The following ATP6V0A2 variants were observed in gnomAD, a reference collection of about 807,000 sequenced individuals.
ATP6V0A2 encodes the protein V-type proton ATPase 116 kDa subunit a 2.
Under a neutral mutation model 104.4 loss-of-function variants are expected in ATP6V0A2, and 58 were observed. The ratio of observed to expected loss-of-function variants is 0.56; its 90% CI spans 0.45 to 0.69. ATP6V0A2 has a LOEUF of 0.69. ATP6V0A2 is among the 30% of genes least tolerant of loss of function. The pLI, the probability that ATP6V0A2 is intolerant of heterozygous loss-of-function variation, is 0.00. For missense variants in ATP6V0A2, 938 were observed against 1,062.9 expected, an observed-to-expected ratio of 0.88 and a Z score of 1.63; for synonymous variants, 376 against 397.9, an observed-to-expected ratio of 0.95 and a Z score of 0.65.
At chr12:123,730,209 C>T (rs766847650) in intron 6 of ATP6V0A2, among the ~76,000 whole-genome samples, 215 of 151,916 alleles carry the variant, frequency 1.4e-3, no homozygotes, top group Middle Eastern at 6.8e-3. Context: ...AGGCCGCCAC[C>T]GCTCCCGGCT....
At chr12:123,751,306 AC>A in intron 16 of ATP6V0A2, 77 bp downstream of exon 16, 1 of 1,603,232 alleles carries the variant, frequency 6.2e-7, no homozygotes, top group Non-Finnish European at 8.5e-7. Flanking sequence ...TGTAGAAAAC[AC>A]CTCCTGGAGG....
At chr12:123,731,284 AG>A (rs922586621) in intron 6 of ATP6V0A2, 2 of 152,170 alleles carry the variant, frequency 1.3e-5, no homozygotes, top group African/African-American at 4.8e-5. Flanking sequence ...ACTTTTACTC[AG>A]GTTCTAGGAT....
intron 6 of ATP6V0A2, among the ~76,000 whole-genome samples, chr12:123,730,210 G>A (rs1010451587): frequency 3.3e-5 from 5 of 151,628 alleles, no homozygotes; most frequent in African/African-American, 9.7e-5. Context: ...GGCCGCCACC[G>A]CTCCCGGCTA....
At chr12:123,728,108 C>T (rs1175186336) in intron 6 of ATP6V0A2, among the ~76,000 whole-genome samples, 199 bp downstream of exon 6, 2 of 152,208 alleles carry the variant, frequency 1.3e-5, no homozygotes, top group Non-Finnish European at 2.9e-5. Flanking sequence ...GACCATCAGT[C>T]AGGAAATGAA....
intron 6 of ATP6V0A2, among the ~76,000 whole-genome samples, chr12:123,730,237 A>C (rs968952631): frequency 1.3e-5 from 2 of 151,674 alleles, no homozygotes; most frequent in East Asian, 3.9e-4. Flanking sequence ...TGTATTTTTT[A>C]GTAGAGACGG....
intron 1 of ATP6V0A2, among the ~76,000 whole-genome samples, chr12:123,717,114 A>T (rs1257093805): frequency 7.9e-5 from 12 of 151,900 alleles, no homozygotes; most frequent in African/African-American, 2.2e-4. Context: ...CAGGAGTTTG[A>T]GACCAGCCTG....
intron 6 of ATP6V0A2, chr12:123,732,051 T>A (rs1215098712): frequency 6.6e-6 from 1 of 152,086 alleles, no homozygotes; most frequent in Non-Finnish European, 1.5e-5. Context: ...ACTCCATATC[T>A]CCTTTTAAGT....
At position 123,746,929 on chromosome 12, in the gene ATP6V0A2, C is replaced by CA. The variant is rs573183684; in HGVS notation, c.1606-665dup. Among the ~76,000 whole-genome samples, 528 of 139,522 alleles carry CA rather than the reference C, an allele frequency of 3.8e-3. 3 individuals are homozygous for CA. The highest frequency in any genetic ancestry group is 0.033 in the Middle Eastern group (9 of 272). 91.5% of individuals were successfully genotyped at this position (139,522 alleles called of 152,430 possible). On this transcript the variant is annotated intron_variant, in intron 13 of 19. Transcript: ENST00000330342. ...GCCTGGTTGACAGAGCGAGACTCCT[C>CA]AAAAAAAAAAAAATTATCTTAATAG... is the stretch of plus-strand genomic sequence containing the variant.
Position 123,733,911 on chromosome 12 carries a change from A to G in ATP6V0A2, c.649-15A>G, listed in dbSNP as rs776455971. Reference sequence around the variant, plus strand: ...ACACGCAGAAATAACACTTATCCTTATTCATTCTTTGTAGGGGGAAGTCAT... The same window carrying G: ...ACACGCAGAAATAACACTTATCCTTGTTCATTCTTTGTAGGGGGAAGTCAT... On this transcript the variant is annotated splice_polypyrimidine_tract_variant and intron_variant, in intron 6 of 19. Coordinates refer to ENST00000330342, the MANE Select transcript of ATP6V0A2 (RefSeq NM_012463.4). 1.3e-6 allele frequency: 2 copies of G among 1,589,502 alleles called. No individual in the cohort carries two copies. The highest frequency in any genetic ancestry group is 1.7e-6 in the Non-Finnish European group (2 of 1,157,714).
chr12:123,758,102 C>A lies in ATP6V0A2; in HGVS notation c.*70C>A. The A allele has an allele frequency of 1.8e-6, 2 of 1,139,114 alleles. No homozygotes were observed. The highest frequency in any genetic ancestry group is 2.6e-6 in the Non-Finnish European group (2 of 756,864). 70.6% of individuals were successfully genotyped at this position (1,139,114 alleles called of 1,614,324 possible). A position where few individuals can be genotyped will look rare whatever the true frequency, so the allele number is the denominator to read the frequency against. On this transcript the variant is annotated 3_prime_UTR_variant, in exon 20 of 20. Coordinates refer to ENST00000330342, the MANE Select transcript of ATP6V0A2 (RefSeq NM_012463.4). ...CCATGTTATAGACTTTCACTTATGTCAGATTTATGATAGGAAAAATTCCAT... is the reference window on the plus strand; with the variant it reads ...CCATGTTATAGACTTTCACTTATGTAAGATTTATGATAGGAAAAATTCCAT...
chr12:123,756,012 C>G (rs544498965), intron 18 of ATP6V0A2, among the ~76,000 whole-genome samples: 28 of 145,648 alleles, frequency 1.9e-4, no homozygotes, highest in Non-Finnish European at 1.3e-4. Flanking sequence ...ACCCGGGAGA[C>G]AGAGCTTGCA....
At chr12:123,740,586 C>T (rs1407590202) in intron 9 of ATP6V0A2, among the ~76,000 whole-genome samples, 2 of 152,158 alleles carry the variant, frequency 1.3e-5, no homozygotes, top group African/African-American at 4.8e-5. Context: ...TTGTTAATTT[C>T]ATAAACGTTC....
At position 123,754,221 on chromosome 12, in the gene ATP6V0A2, G is replaced by C. The variant is rs1038062736; in HGVS notation, c.2176-199G>C. The C allele has an allele frequency of 9.7e-6, 6 of 618,504 alleles. No individual in the cohort carries two copies. The African/African-American group carries it at 1.1e-4, about 11-fold the overall frequency. 38.3% of individuals were successfully genotyped at this position (618,504 alleles called of 1,614,324 possible). A position where few individuals can be genotyped will look rare whatever the true frequency, so the allele number is the denominator to read the frequency against. Reference sequence around the variant, plus strand: ...GAAGGTGGGGATTTGGGGTGGTAAAGTCTGGTCATGGAGCTGGGTAGTGGC... The same window carrying C: ...GAAGGTGGGGATTTGGGGTGGTAAACTCTGGTCATGGAGCTGGGTAGTGGC... On this transcript the variant is annotated intron_variant, in intron 17 of 19. Coordinates refer to ENST00000330342, the MANE Select transcript of ATP6V0A2 (RefSeq NM_012463.4).
chr12:123,742,864 A>G (rs1230682105), intron 9 of ATP6V0A2, among the ~76,000 whole-genome samples: 1 of 152,082 alleles, frequency 6.6e-6, no homozygotes, highest in Non-Finnish European at 1.5e-5. Flanking sequence ...TATTTTGACC[A>G]GAAAATCTAC....
intron 15 of ATP6V0A2, 103 bp downstream of exon 15, chr12:123,748,888 A>G: frequency 8.6e-7 from 1 of 1,162,784 alleles, no homozygotes; most frequent in Non-Finnish European, 1.3e-6. Context: ...GAGCCTGGGA[A>G]GGCTGCTTCT....
At chr12:123,717,998 C>T (rs1455854778) in intron 1 of ATP6V0A2, among the ~76,000 whole-genome samples, 2 of 151,964 alleles carry the variant, frequency 1.3e-5, no homozygotes, top group East Asian at 3.9e-4. Flanking sequence ...GATCTCAGCT[C>T]CATCCAACCT....
rs758597931 is a variant in ATP6V0A2 at position 123,752,407 on chromosome 12, A to G, written c.2175+5A>G. On this transcript the variant is annotated splice_donor_5th_base_variant and intron_variant, in intron 17 of 19. Transcript: ENST00000330342. ...AGAGAAATGGCGTGTGAAGAGGTAA[A>G]TCTTTTCAACTGCTATTGATAAACT... The G allele has an allele frequency of 2.5e-6, 4 of 1,614,074 alleles. No individual in the cohort carries two copies. Among genetic ancestry groups the G allele is most frequent in the Non-Finnish European group, 3.4e-6 (4 of 1,179,938 alleles).
intron 15 of ATP6V0A2, among the ~76,000 whole-genome samples, chr12:123,749,486 G>A (rs780833560): frequency 5.3e-5 from 8 of 152,150 alleles, no homozygotes; most frequent in Non-Finnish European, 1.2e-4. Flanking sequence ...TGGAGGCCCC[G>A]CTCTGCTGTT....
Position 123,726,170 on chromosome 12 carries a change from C to T in ATP6V0A2, c.433-27C>T, listed in dbSNP as rs1252817531. On this transcript the variant is annotated intron_variant, in intron 4 of 19. Coordinates refer to ENST00000330342, the MANE Select transcript of ATP6V0A2 (RefSeq NM_012463.4). Reference sequence around the variant, plus strand: ...ATAAAGTGTCACTTTTAATGAGACACACTTGGTTTCATATGTTTATTTCTA... The same window carrying T: ...ATAAAGTGTCACTTTTAATGAGACATACTTGGTTTCATATGTTTATTTCTA... The T allele has an allele frequency of 5.3e-6, 8 of 1,520,992 alleles. No homozygotes were observed. The East Asian group carries it at 1.6e-4, about 30-fold the overall frequency. 94.2% of individuals were successfully genotyped at this position (1,520,992 alleles called of 1,614,324 possible).
Sources: gnomAD v4.1 joint callset for allele counts (sites outside exome capture counted in the v4.1 genomes callset) on GRCh38, gnomAD v4.1.1 for gene constraint, MANE v1.5 for transcripts, NCBI Gene and HGNC (gene_info 2026-07-23, HGNC 2026-07-21) for gene names.